Variants in MYO1D observed in about 807,000 individuals in gnomAD.
MYO1D encodes unconventional myosin-Id.
Under a neutral mutation model 122.0 loss-of-function variants are expected in MYO1D, and 83 were observed. The observed-to-expected ratio is 0.68, with a 90% CI of 0.57 to 0.82. The LOEUF (loss-of-function observed/expected upper bound fraction) is 0.82. MYO1D is among the 40% of genes least tolerant of loss of function. The pLI, the probability that MYO1D is intolerant of heterozygous loss-of-function variation, is 0.00. For missense variants in MYO1D, 1,157 were observed against 1,269.5 expected (o/e 0.91, Z 1.35); for synonymous variants, 464 against 446.9 (o/e 1.04, Z -0.48).
intron 13 of MYO1D, among the ~76,000 whole-genome samples, chr17:32,740,151 G>A (rs1214295357): frequency 1.3e-5 from 2 of 152,184 alleles, no homozygotes; most frequent in African/African-American, 4.8e-5. Flanking sequence ...CAGTGCACAT[G>A]GTGCCTGAAT....
chr17:32,533,382 T>C (rs570981640), intron 21 of MYO1D, among the ~76,000 whole-genome samples: 1 of 152,080 alleles, frequency 6.6e-6, no homozygotes, highest in South Asian at 2.1e-4. Context: ...TCCTGAAGAT[T>C]TTACCTCCAA....
chr17:32,580,805 A>C (rs2087331666), intron 21 of MYO1D, among the ~76,000 whole-genome samples: 1 of 152,052 alleles, frequency 6.6e-6, no homozygotes, highest in South Asian at 2.1e-4. Flanking sequence ...TCCTTTTTAT[A>C]TATTGTTGGA....
intron 21 of MYO1D, among the ~76,000 whole-genome samples, chr17:32,551,384 G>T (rs964096293): frequency 6.6e-6 from 1 of 152,156 alleles, no homozygotes; most frequent in African/African-American, 2.4e-5. Context: ...TAGGCTAACC[G>T]GCTAGACAAG....
chr17:32,620,608 C>T (rs764896787), intron 20 of MYO1D, among the ~76,000 whole-genome samples: 1 of 152,174 alleles, frequency 6.6e-6, no homozygotes. Context: ...TTCCTCTCTC[C>T]AGCATTCAGA....
chr17:32,876,821 C>T lies in MYO1D; in HGVS notation c.52G>A (p.Asp18Asn). ...ATGAACTCGGGCATGGAGACGGTGT[C>T]CATCAGCACGAAGTCTGCCTTGCCG... Reference protein sequence around the residue: ...EFGKADFVLMDTVSMPEFMAN... With the variant: ...EFGKADFVLMNTVSMPEFMAN... The change falls in exon 1 of 22, where the codon GAC (aspartate) becomes AAC (asparagine). Residue 18 changes from aspartate (D) to asparagine (N), a missense_variant. Asp to Asn is a conservative substitution (Grantham distance 23). Transcript: ENST00000318217. 1 of 1,526,546 alleles carries T rather than the reference C, an allele frequency of 6.6e-7. No individual in the cohort carries two copies. Among genetic ancestry groups the T allele is most frequent in the Middle Eastern group, 1.7e-4 (1 of 5,910 alleles). 94.6% of individuals were successfully genotyped at this position (1,526,546 alleles called of 1,614,324 possible). A position where few individuals can be genotyped will look rare whatever the true frequency, so the allele number is the denominator to read the frequency against.
At chr17:32,822,818 CCGGGGTCG>C (rs2090686183) in intron 1 of MYO1D, among the ~76,000 whole-genome samples, 3 of 151,578 alleles carry the variant, frequency 2.0e-5, no homozygotes, top group Non-Finnish European at 4.4e-5. Flanking sequence ...AGTCGGGCCT[CCGGGGTCG>C]ACCGGCTGCC....
At chr17:32,684,061 C>T (rs975141845) in intron 16 of MYO1D, 1 of 153,390 alleles carries the variant, frequency 6.5e-6, no homozygotes, top group Non-Finnish European at 1.5e-5. Flanking sequence ...CTCCCTGACC[C>T]CTTGCGCTTC....
chr17:32,530,587 G>A (rs1910479993), intron 21 of MYO1D, among the ~76,000 whole-genome samples: 1 of 152,186 alleles, frequency 6.6e-6, no homozygotes, highest in Admixed American at 6.5e-5. Context: ...GATCACTTGA[G>A]TCCAGGAGTT....
chr17:32,673,952 G>T (rs533984097), intron 16 of MYO1D, among the ~76,000 whole-genome samples: 1 of 152,262 alleles, frequency 6.6e-6, no homozygotes, highest in Non-Finnish European at 1.5e-5. Flanking sequence ...TTACTGCAAT[G>T]ATTAGAATGG....
intron 1 of MYO1D, among the ~76,000 whole-genome samples, chr17:32,850,252 T>C (rs1047391274): frequency 3.3e-5 from 5 of 152,240 alleles, no homozygotes; most frequent in Non-Finnish European, 7.3e-5. Context: ...AAAACAATGA[T>C]GGTAAGTTTC....
chr17:32,537,635 A>G (rs1354006343), intron 21 of MYO1D, among the ~76,000 whole-genome samples: 1 of 152,212 alleles, frequency 6.6e-6, no homozygotes, highest in Non-Finnish European at 1.5e-5. Flanking sequence ...TAAATACTCC[A>G]ATTATGAAAT....
chr17:32,495,650 C>T (rs1281328638), intron 21 of MYO1D: 4 of 152,432 alleles, frequency 2.6e-5, no homozygotes, highest in South Asian at 4.1e-4. Flanking sequence ...CAGCTCCTCA[C>T]ACGACGCTGA....
intron 1 of MYO1D, among the ~76,000 whole-genome samples, chr17:32,844,567 C>T (rs2090918214): frequency 6.6e-6 from 1 of 151,528 alleles, no homozygotes; most frequent in African/African-American, 2.4e-5. Flanking sequence ...AAAACATCTT[C>T]TAAAAATTAG....
intron 21 of MYO1D, among the ~76,000 whole-genome samples, chr17:32,580,157 A>G (rs2087318524): frequency 1.3e-5 from 2 of 152,204 alleles, no homozygotes. Flanking sequence ...ATTATGCAAT[A>G]GAGTTAAATC....
chr17:32,712,401 G>A (rs2089389714), intron 15 of MYO1D, among the ~76,000 whole-genome samples: 1 of 152,158 alleles, frequency 6.6e-6, no homozygotes, highest in Non-Finnish European at 1.5e-5. Context: ...ACTAGGTATA[G>A]AAGGGACTTC....
chr17:32,626,071 A>T (rs1266057682), intron 20 of MYO1D, among the ~76,000 whole-genome samples: 2 of 152,224 alleles, frequency 1.3e-5, no homozygotes, highest in African/African-American at 4.8e-5. Context: ...CGGGGCTGCC[A>T]CAGTGAGCAA....
chr17:32,825,255 G>C (rs1350635410), intron 1 of MYO1D, among the ~76,000 whole-genome samples: 1 of 151,960 alleles, frequency 6.6e-6, no homozygotes, highest in East Asian at 1.9e-4. Flanking sequence ...ATTATTTCAG[G>C]ATGATTTTTC....
At chr17:32,747,834 C>T (rs1009926674) in intron 12 of MYO1D, among the ~76,000 whole-genome samples, 22 of 150,262 alleles carry the variant, frequency 1.5e-4, no homozygotes, top group Admixed American at 6.0e-4. Flanking sequence ...GAGACTCCAT[C>T]TCAAAAAAAA....
chr17:32,638,700 G>T (rs753609943), intron 20 of MYO1D, 22 bp downstream of exon 20: 1 of 1,524,706 alleles, frequency 6.6e-7, no homozygotes, highest in African/African-American at 1.4e-5. Flanking sequence ...TCTTTATCCA[G>T]AGAGAAGCAC....
Sources: gnomAD v4.1 joint callset for allele counts (sites outside exome capture counted in the v4.1 genomes callset) on GRCh38, gnomAD v4.1.1 for gene constraint, MANE v1.5 for transcripts, NCBI Gene and HGNC (gene_info 2026-07-23, HGNC 2026-07-21) for gene names.